MSRB3: variants seen among roughly 807,000 people sequenced by gnomAD.
MSRB3 encodes methionine sulfoxide reductase B3.
In MSRB3, 13 loss-of-function variants were observed where a neutral mutation model predicts 21.0. The ratio of observed to expected loss-of-function variants is 0.62; its 90% confidence interval spans 0.40 to 0.98. The LOEUF (loss-of-function observed/expected upper bound fraction) is 0.98, where lower values mean the gene tolerates loss of function less well. Ranked by LOEUF, MSRB3 falls within the 50% of genes least tolerant of loss-of-function variation. The probability of loss-of-function intolerance (pLI) is 0.00; values close to 1 mark genes in which losing one functional copy is unlikely to be tolerated. For synonymous variants in MSRB3, 87 were observed against 88.6 expected (o/e 0.98, Z 0.10); for missense variants, 199 against 230.3 (o/e 0.86, Z 0.88).
intron 2 of MSRB3, among the ~76,000 whole-genome samples, chr12:65,318,822 A>G (rs1472227418): frequency 6.6e-6 from 1 of 152,204 alleles, no homozygotes; most frequent in Non-Finnish European, 1.5e-5. Flanking sequence ...TGAAGAGTTG[A>G]TAAGATACTC....
At chr12:65,363,235 A>G (rs897228415) in intron 4 of MSRB3, among the ~76,000 whole-genome samples, 2 of 152,194 alleles carry the variant, frequency 1.3e-5, no homozygotes, top group African/African-American at 4.8e-5. Flanking sequence ...AATTTTTGAT[A>G]CAGTTGAACA....
At chr12:65,434,829 T>C (rs1478828367) in intron 5 of MSRB3, among the ~76,000 whole-genome samples, 2 of 151,940 alleles carry the variant, frequency 1.3e-5, no homozygotes, top group African/African-American at 4.8e-5. Flanking sequence ...TCATTTGGTC[T>C]TTGTAACAGC....
At chr12:65,294,267 A>G (rs1188405022) in intron 1 of MSRB3, among the ~76,000 whole-genome samples, 1 of 152,162 alleles carries the variant, frequency 6.6e-6, no homozygotes, top group African/African-American at 2.4e-5. Flanking sequence ...TCCATACCTC[A>G]TGGCCTACCT....
At chr12:65,337,268 C>CAG (rs1555203559) in intron 4 of MSRB3, among the ~76,000 whole-genome samples, 2 of 148,308 alleles carry the variant, frequency 1.3e-5, no homozygotes, top group African/African-American at 5.0e-5. Context: ...CAAAACAAAA[C>CAG]AAAAAAAAAC....
chr12:65,352,777 A>C (rs558778989), intron 4 of MSRB3, among the ~76,000 whole-genome samples: 17 of 150,932 alleles, frequency 1.1e-4, no homozygotes, highest in African/African-American at 3.4e-4. Context: ...GGACCTCTTC[A>C]AGGAGAACTA....
chr12:65,338,849 C>A (rs1875953413), intron 4 of MSRB3, among the ~76,000 whole-genome samples: 1 of 152,098 alleles, frequency 6.6e-6, no homozygotes, highest in African/African-American at 2.4e-5. Flanking sequence ...CTGAGGTAGG[C>A]AGATTGCCTG....
rs115322209 is a variant in MSRB3 at position 65,361,241 on chromosome 12, G to A, written c.264-7757G>A. ...GACCACCTAGGTACTTTATGGTATC[G>A]TCTCATTTAATCCACACAAACGTTT... On this transcript the variant is annotated intron_variant, in intron 4 of 6. Transcript: ENST00000308259. 7.0e-3 allele frequency among the ~76,000 whole-genome samples: 1,064 copies of A among 152,038 alleles called. 8 individuals carry two copies. Among genetic ancestry groups the A allele is most frequent in the African/African-American group, 0.024 (993 of 41,478 alleles).
At chr12:65,381,819 T>A (rs1442754149) in intron 5 of MSRB3, among the ~76,000 whole-genome samples, 1 of 152,056 alleles carries the variant, frequency 6.6e-6, no homozygotes, top group Non-Finnish European at 1.5e-5. Flanking sequence ...CAAGTATTAT[T>A]CCTTAATTAA....
chr12:65,416,398 A>G (rs763682174), intron 5 of MSRB3, among the ~76,000 whole-genome samples: 2 of 152,206 alleles, frequency 1.3e-5, no homozygotes, highest in Non-Finnish European at 2.9e-5. Context: ...TTGTGATCCC[A>G]TGTAACAATG....
chr12:65,348,117 A>T (rs971476348), intron 4 of MSRB3, among the ~76,000 whole-genome samples: 7 of 152,004 alleles, frequency 4.6e-5, no homozygotes, highest in African/African-American at 1.2e-4. Context: ...GTTAGGGAGG[A>T]TTCCCTCTTT....
intron 5 of MSRB3, among the ~76,000 whole-genome samples, chr12:65,428,563 T>C (rs916394034): frequency 7.9e-5 from 12 of 152,174 alleles, no homozygotes; most frequent in African/African-American, 2.7e-4. Flanking sequence ...AGGCCCTTCC[T>C]TAATTAAGTG....
intron 5 of MSRB3, among the ~76,000 whole-genome samples, chr12:65,415,941 C>A (rs75986117): frequency 0.018 from 2,791 of 152,268 alleles, 97 homozygotes; most frequent in African/African-American, 0.064. Flanking sequence ...GCATCCCTGG[C>A]CACCAGATCA....
chr12:65,400,109 G>A (rs1880037479), intron 5 of MSRB3, among the ~76,000 whole-genome samples: 1 of 152,096 alleles, frequency 6.6e-6, no homozygotes, highest in East Asian at 1.9e-4. Context: ...GGATGATGCT[G>A]GCCTCATAAA....
chr12:65,392,858 T>G (rs1879559004), intron 5 of MSRB3, among the ~76,000 whole-genome samples: 1 of 152,156 alleles, frequency 6.6e-6, no homozygotes, highest in Non-Finnish European at 1.5e-5. Context: ...ACAGAAAGAG[T>G]TCTATTATTC....
chr12:65,302,934 G>GT (rs1237090302), intron 1 of MSRB3, among the ~76,000 whole-genome samples: 1 of 152,080 alleles, frequency 6.6e-6, no homozygotes, highest in African/African-American at 2.4e-5. Context: ...TTAAAAGAAT[G>GT]TTTTTTATCT....
rs184309992 is a variant in MSRB3 at position 65,414,791 on chromosome 12, C to A, written c.293-38937C>A. 3.9e-5 allele frequency among the ~76,000 whole-genome samples: 6 copies of A among 152,172 alleles called. No homozygotes were observed. The East Asian group carries it at 1.2e-3, about 29-fold the overall frequency. On this transcript the variant is annotated intron_variant, in intron 5 of 6. Coordinates refer to ENST00000308259, the MANE Select transcript of MSRB3 (RefSeq NM_001031679.3). ...ACCTCAAGGTTTCTGGCCTCAGCAACCAGAAATATGAAATTGCAGCAATTA... is the reference window on the plus strand; with the variant it reads ...ACCTCAAGGTTTCTGGCCTCAGCAAACAGAAATATGAAATTGCAGCAATTA...
intron 4 of MSRB3, among the ~76,000 whole-genome samples, chr12:65,333,866 A>T (rs1342587989): frequency 6.6e-6 from 1 of 152,224 alleles, no homozygotes; most frequent in Non-Finnish European, 1.5e-5. Flanking sequence ...CCCGGCACAT[A>T]ATAATCACCA....
At chr12:65,407,697 T>A (rs940031693) in intron 5 of MSRB3, among the ~76,000 whole-genome samples, 1 of 152,220 alleles carries the variant, frequency 6.6e-6, no homozygotes, top group African/African-American at 2.4e-5. Flanking sequence ...GTGACACCCC[T>A]TTAAAATTAT....
intron 4 of MSRB3, among the ~76,000 whole-genome samples, chr12:65,342,604 G>A (rs993391657): frequency 2.0e-5 from 3 of 151,862 alleles, no homozygotes; most frequent in African/African-American, 7.2e-5. Flanking sequence ...GCATGCCATA[G>A]GTCTAGCAAT....
Sources: allele counts gnomAD v4.1 joint callset (sites outside exome capture counted in the v4.1 genomes callset), GRCh38; gene constraint gnomAD v4.1.1; transcripts MANE v1.5; gene names NCBI Gene and HGNC (gene_info 2026-07-23, HGNC 2026-07-21).